ZMYND11: variants seen among roughly 807,000 people sequenced by gnomAD.
The protein encoded by ZMYND11 is zinc finger MYND-type containing 11.
ZMYND11 carries 9 observed loss-of-function variants against 84.9 expected under a neutral mutation model. That is an observed-to-expected ratio of 0.11 (90% CI 0.06 to 0.18). The LOEUF (loss-of-function observed/expected upper bound fraction) is 0.18, where lower values mean the gene tolerates loss of function less well. Among genes scored for constraint, ZMYND11 ranks in the 10% least tolerant of loss-of-function variants. The pLI is 1.00. For synonymous variants in ZMYND11, 250 were observed against 244.1 expected (o/e 1.02, Z -0.23); for missense variants, 409 against 761.0 (o/e 0.54, Z 5.44).
At chr10:189,115 A>G (rs1301561647) in intron 2 of ZMYND11, among the ~76,000 whole-genome samples, 1 of 152,186 alleles carries the variant, frequency 6.6e-6, no homozygotes, top group East Asian at 1.9e-4. Context: ...GTCAGACCCC[A>G]GTTAGAAAAT....
chr10:154,427 C>T (rs868967455), intron 1 of ZMYND11, among the ~76,000 whole-genome samples: 2 of 152,076 alleles, frequency 1.3e-5, no homozygotes, highest in South Asian at 2.1e-4. Flanking sequence ...AGCAAAAAAC[C>T]TGGTGTCATA....
In ZMYND11 at chr10:155,180, G is replaced by C. The variant is rs1841404658; in HGVS notation, c.-20+19621G>C. Among the ~76,000 whole-genome samples the C allele has an allele frequency of 2.0e-5, 3 of 152,248 alleles. No individual in the cohort carries two copies. In the South Asian group the frequency reaches 6.2e-4, roughly 32 times the overall value. On this transcript the variant is annotated intron_variant, in intron 1 of 14. Coordinates refer to ENST00000381604, the MANE Select transcript of ZMYND11 (RefSeq NM_001370100.5). ...GCTGAAAAAGGTACTTTTTTGGTAC[G>C]TAGCTTTAAAATTTTAGGTTGAGAA... is the stretch of plus-strand genomic sequence containing the variant.
At chr10:182,862 G>A (rs898326585) in intron 2 of ZMYND11, among the ~76,000 whole-genome samples, 3 of 152,008 alleles carry the variant, frequency 2.0e-5, no homozygotes, top group African/African-American at 4.8e-5. Flanking sequence ...CTGTACTCTC[G>A]GTAGGTAAAT....
In ZMYND11 at chr10:250,587, A is replaced by C. The variant is rs531209413; in HGVS notation, c.1686+1499A>C. On this transcript the variant is annotated intron_variant, in intron 14 of 14. Coordinates refer to ENST00000381604, the MANE Select transcript of ZMYND11 (RefSeq NM_001370100.5). Reference sequence around the variant, plus strand: ...CTATAATTATAATACTGTCTTTTGTAGCACTTTACCATTTGTGAAACAGCT... The same window carrying C: ...CTATAATTATAATACTGTCTTTTGTCGCACTTTACCATTTGTGAAACAGCT... Among the ~76,000 whole-genome samples the C allele has an allele frequency of 1.2e-3, 181 of 152,374 alleles. No individual in the cohort carries two copies. In the Middle Eastern group the frequency reaches 0.014, roughly 11 times the overall value.
Position 158,998 on chromosome 10 carries a change from T to TG in ZMYND11, c.-19-20996_-19-20995insG, listed in dbSNP as rs564997697. ...CAGGGTTTTTTGTTTTTTGTTTTTT[T>TG]TTTTTTTTTTACATTATGTGGTTGT... On this transcript the variant is annotated intron_variant, in intron 1 of 14. Transcript: ENST00000381604. 3.8e-3 allele frequency among the ~76,000 whole-genome samples: 559 copies of TG among 147,756 alleles called. 6 individuals are homozygous for TG. Among genetic ancestry groups the TG allele is most frequent in the Non-Finnish European group, 5.8e-3 (391 of 66,886 alleles).
chr10:147,450 C>T (rs1172769813), intron 1 of ZMYND11, among the ~76,000 whole-genome samples: 1 of 151,716 alleles, frequency 6.6e-6, no homozygotes, highest in African/African-American at 2.4e-5. Context: ...TAAAAGTAAA[C>T]AGTTTTATTT....
At chr10:208,310 A>G (rs1469135916) in intron 2 of ZMYND11, among the ~76,000 whole-genome samples, 1 of 152,242 alleles carries the variant, frequency 6.6e-6, no homozygotes, top group East Asian at 1.9e-4. Context: ...ATCTAATTAA[A>G]GAGCTTCTGC....
intron 1 of ZMYND11, among the ~76,000 whole-genome samples, chr10:169,065 C>A (rs1844677949): frequency 6.6e-6 from 1 of 152,106 alleles, no homozygotes; most frequent in Admixed American, 6.6e-5. Context: ...GCTTTCTGTT[C>A]TTAACAAAGC....
chr10:154,554 C>A (rs1458631388), intron 1 of ZMYND11, among the ~76,000 whole-genome samples: 1 of 152,080 alleles, frequency 6.6e-6, no homozygotes, highest in Non-Finnish European at 1.5e-5. Flanking sequence ...TTCAGCTGCT[C>A]CATGCATGTC....
At chr10:190,395 G>A (rs1940034940) in intron 2 of ZMYND11, among the ~76,000 whole-genome samples, 1 of 152,088 alleles carries the variant, frequency 6.6e-6, no homozygotes, top group African/African-American at 2.4e-5. Context: ...ACACCCTCCT[G>A]CAACTCCCCA....
At chr10:230,472 CAAAAAAAAAAAAAAA>C (rs59145964) in intron 4 of ZMYND11, among the ~76,000 whole-genome samples, 1 of 52,708 alleles carries the variant, frequency 1.9e-5, no homozygotes, top group African/African-American at 8.0e-5. Flanking sequence ...GACTCAGTCT[CAAAAAAAAAAAAAAA>C]AAAAAAAAAA....
intron 4 of ZMYND11, among the ~76,000 whole-genome samples, chr10:221,815 T>A (rs1016193061): frequency 6.7e-6 from 1 of 149,804 alleles, no homozygotes; most frequent in Non-Finnish European, 1.5e-5. Context: ...CATGAGTTTG[T>A]TTTTTTTTGC....
chr10:235,507 T>TG (rs1467674027), intron 4 of ZMYND11, among the ~76,000 whole-genome samples: 2 of 152,080 alleles, frequency 1.3e-5, no homozygotes, highest in African/African-American at 4.8e-5. Context: ...GTCTTGGCCA[T>TG]GCGTCAGTCA....
chr10:233,650 T>G (rs1273384459), intron 4 of ZMYND11, among the ~76,000 whole-genome samples: 2 of 152,198 alleles, frequency 1.3e-5, no homozygotes, highest in African/African-American at 4.8e-5. Flanking sequence ...CCTTGTTTCC[T>G]TTCATGCTTT....
chr10:189,943 G>A (rs1015375611), intron 2 of ZMYND11, among the ~76,000 whole-genome samples: 10 of 152,078 alleles, frequency 6.6e-5, no homozygotes, highest in African/African-American at 2.2e-4. Context: ...GCAGAGAGGC[G>A]AGTCAAAGCA....
At chr10:249,903 G>A (rs1433706668) in intron 14 of ZMYND11, 10 of 431,308 alleles carry the variant, frequency 2.3e-5, no homozygotes, top group South Asian at 9.8e-5. Context: ...TGGAAACTTC[G>A]AATAGATGAA....
At chr10:175,362 G>A (rs1038405475) in intron 1 of ZMYND11, among the ~76,000 whole-genome samples, 5 of 152,326 alleles carry the variant, frequency 3.3e-5, no homozygotes, top group Admixed American at 3.3e-4. Flanking sequence ...GAGGTCAGGA[G>A]TTCAAGACCA....
chr10:189,606 A>G (rs551884329), intron 2 of ZMYND11, among the ~76,000 whole-genome samples: 1 of 152,328 alleles, frequency 6.6e-6, no homozygotes, highest in African/African-American at 2.4e-5. Flanking sequence ...AGAAGAAGTA[A>G]CTGATTCTGA....
chr10:194,484 T>C (rs1941254010), intron 2 of ZMYND11, among the ~76,000 whole-genome samples: 1 of 152,228 alleles, frequency 6.6e-6, no homozygotes, highest in Non-Finnish European at 1.5e-5. Flanking sequence ...TGTTTAACTT[T>C]ATTAGAAATG....
Sources: gnomAD v4.1 joint callset for allele counts (sites outside exome capture counted in the v4.1 genomes callset) on GRCh38, gnomAD v4.1.1 for gene constraint, MANE v1.5 for transcripts, NCBI Gene and HGNC (gene_info 2026-07-23, HGNC 2026-07-21) for gene names.